DMD: variants seen among roughly 807,000 people sequenced by gnomAD.
DMD encodes mutant dystrophin.
In DMD, 63 loss-of-function variants were observed where a neutral mutation model predicts 330.1. That is an observed-to-expected ratio of 0.19 (90% CI 0.16 to 0.24). The LOEUF (loss-of-function observed/expected upper bound fraction) is 0.24, where lower values mean the gene tolerates loss of function less well. DMD is among the 10% of genes least tolerant of loss of function. DMD has a pLI of 1.00. For missense variants in DMD, 3,344 were observed against 2,684.1 expected (o/e 1.25, Z -5.43); for synonymous variants, 1,223 against 959.8 (o/e 1.27, Z -5.07).
chrX:31,702,548 T>C (rs2083886572), intron 52 of DMD, among the ~76,000 whole-genome samples: 1 of 111,914 alleles, frequency 8.9e-6, no homozygotes, highest in Non-Finnish European at 1.9e-5. Flanking sequence ...ATAGCTCTTC[T>C]GGCCTCTATA....
chrX:32,526,145 C>T (rs2046912876), intron 17 of DMD, among the ~76,000 whole-genome samples: 1 of 111,809 alleles, frequency 8.9e-6, no homozygotes, highest in Admixed American at 9.5e-5. Context: ...TGTTATCAGA[C>T]TCTATCCCTT....
chrX:32,591,913 C>T (rs779635736), intron 13 of DMD, among the ~76,000 whole-genome samples: 208 of 112,838 alleles, frequency 1.8e-3, no homozygotes, highest in African/African-American at 6.2e-3. Context: ...AGCAAAGTTG[C>T]GGCCAAGACC....
chrX:33,045,862 T>G (rs2094374355), intron 1 of DMD, among the ~76,000 whole-genome samples: 1 of 111,359 alleles, frequency 9.0e-6, no homozygotes, highest in Admixed American at 9.6e-5. Context: ...GCAGCTAACA[T>G]GTGTCGGTGC....
chrX:33,326,633 A>T (rs1375691283), intron 1 of DMD, among the ~76,000 whole-genome samples: 1 of 111,883 alleles, frequency 8.9e-6, no homozygotes, highest in Non-Finnish European at 1.9e-5. Flanking sequence ...GTTGTAAAGT[A>T]CCTTCTCTTC....
At chrX:32,581,912 A>G (rs1205157073) in intron 13 of DMD, among the ~76,000 whole-genome samples, 2 of 112,140 alleles carry the variant, frequency 1.8e-5, no homozygotes, top group African/African-American at 6.5e-5. Flanking sequence ...AAACTAAGTC[A>G]TGTGATTTGA....
intron 2 of DMD, among the ~76,000 whole-genome samples, chrX:32,969,205 C>CCTTGTTT (rs1602301732): frequency 2.1e-5 from 2 of 94,755 alleles, no homozygotes; most frequent in African/African-American, 4.5e-5. Flanking sequence ...CATTTCTGCT[C>CCTTGTTT]TTTATAAACC....
At chrX:32,487,484 T>C (rs920213448) in intron 20 of DMD, among the ~76,000 whole-genome samples, 3 of 111,294 alleles carry the variant, frequency 2.7e-5, no homozygotes, top group East Asian at 5.7e-4. Context: ...TCTGAACGAA[T>C]TGAAATCTGA....
At chrX:31,800,900 T>A (rs926224300) in intron 50 of DMD, among the ~76,000 whole-genome samples, 13 of 111,576 alleles carry the variant, frequency 1.2e-4, no homozygotes, top group African/African-American at 3.9e-4. Flanking sequence ...ATCGTCCACA[T>A]CACCATCGGC....
chrX:33,254,413 G>C (rs943922866), intron 1 of DMD, among the ~76,000 whole-genome samples: 1 of 109,900 alleles, frequency 9.1e-6, no homozygotes, highest in Admixed American at 9.8e-5. Context: ...TAAAATTTGG[G>C]GTCTGGGGCA....
At chrX:31,547,335 A>G (rs2074202445) in intron 55 of DMD, among the ~76,000 whole-genome samples, 1 of 112,449 alleles carries the variant, frequency 8.9e-6, no homozygotes, top group Admixed American at 9.5e-5. Flanking sequence ...TGTATGAAAT[A>G]GACAAACTAA....
chrX:32,412,043 C>T, intron 29 of DMD, 130 bp from the exon 30 acceptor site: 1 of 1,191,775 alleles, frequency 8.4e-7, no homozygotes, highest in Non-Finnish European at 1.1e-6. Flanking sequence ...GATTTCGCAG[C>T]TTCCTGGCAC....
At chrX:32,384,322 T>C (rs1163879716) in intron 33 of DMD, among the ~76,000 whole-genome samples, 1 of 110,488 alleles carries the variant, frequency 9.1e-6, no homozygotes, top group African/African-American at 3.3e-5. Context: ...TTTCTGTCTG[T>C]GGTGATCTTT....
intron 42 of DMD, among the ~76,000 whole-genome samples, chrX:32,301,222 T>TGAAA (rs753187216): frequency 1.3e-5 from 1 of 74,687 alleles, no homozygotes; most frequent in Non-Finnish European, 2.6e-5. Flanking sequence ...TGCATACATC[T>TGAAA]AAAAAAAAAA....
At chrX:31,554,336 C>T (rs1238796508) in intron 55 of DMD, among the ~76,000 whole-genome samples, 1 of 111,693 alleles carries the variant, frequency 9.0e-6, no homozygotes, top group African/African-American at 3.3e-5. Context: ...ACAGCTGGGG[C>T]ATTTTTTTAA....
intron 54 of DMD, among the ~76,000 whole-genome samples, chrX:31,657,525 C>T (rs1157495922): frequency 1.8e-5 from 2 of 111,339 alleles, no homozygotes; most frequent in Non-Finnish European, 3.8e-5. Flanking sequence ...AATGAAGTGA[C>T]GAGTCATATT....
At chrX:31,127,639 C>T (rs1402407770) in intron 77 of DMD, among the ~76,000 whole-genome samples, 1 of 110,965 alleles carries the variant, frequency 9.0e-6, no homozygotes, top group Non-Finnish European at 1.9e-5. Context: ...AGATCCTGTA[C>T]AGCATCTCCC....
At chrX:32,729,127 C>A (rs939047033) in intron 7 of DMD, among the ~76,000 whole-genome samples, 1 of 112,017 alleles carries the variant, frequency 8.9e-6, no homozygotes, top group African/African-American at 3.2e-5. Flanking sequence ...TGAAATGCTA[C>A]AAAATCTGTA....
rs769852059 is a variant in DMD at position 32,732,837 on chromosome X, G to C, written c.650-33544C>G. Among the ~76,000 whole-genome samples, 838 of 110,019 alleles carry C rather than the reference G, an allele frequency of 7.6e-3. 4 individuals are homozygous for C. Among genetic ancestry groups the C allele is most frequent in the African/African-American group, 0.026 (770 of 30,119 alleles). Reference sequence around the variant, plus strand: ...CAAAATGTAAAGACCATTGAGACTAGGAAGAAACTGCATCAACTAACGAGC... The same window carrying C: ...CAAAATGTAAAGACCATTGAGACTACGAAGAAACTGCATCAACTAACGAGC... On this transcript the variant is annotated intron_variant, in intron 7 of 78. Coordinates refer to ENST00000357033, the MANE Select transcript of DMD (RefSeq NM_004006.3).
Position 32,491,262 on chromosome X carries a change from A to T in DMD, c.2622+15T>A, listed in dbSNP as rs371244067. 2 of 1,209,666 alleles carry T rather than the reference A, an allele frequency of 1.7e-6. No homozygotes were observed. Among genetic ancestry groups the T allele is most frequent in the African/African-American group, 3.5e-5 (2 of 57,349 alleles). Reference sequence around the variant, plus strand: ...TATTGATTATGCTCCAAATGGAAGGAGAAGAGATTCTTACCTTACAAATTT... The same window carrying T: ...TATTGATTATGCTCCAAATGGAAGGTGAAGAGATTCTTACCTTACAAATTT... On this transcript the variant is annotated intron_variant, in intron 20 of 78. Transcript: ENST00000357033.
Sources: gnomAD v4.1 joint callset for allele counts (sites outside exome capture counted in the v4.1 genomes callset) on GRCh38, gnomAD v4.1.1 for gene constraint, MANE v1.5 for transcripts, NCBI Gene and HGNC (gene_info 2026-07-23, HGNC 2026-07-21) for gene names.